BRME1: variants seen among roughly 807,000 people sequenced by gnomAD.
BRME1 encodes BRCA2 and MEILB2-associating protein 1.
Under a neutral mutation model 52.6 loss-of-function variants are expected in BRME1, and 31 were observed. The observed-to-expected ratio is 0.59, with a 90% CI of 0.44 to 0.80. The LOEUF (loss-of-function observed/expected upper bound fraction) is 0.80. Among genes scored for constraint, BRME1 ranks in the 30% least tolerant of loss-of-function variants. The pLI is 0.00. For synonymous variants in BRME1, 359 were observed against 353.6 expected (o/e 1.02, Z -0.17); for missense variants, 804 against 860.3 (o/e 0.93, Z 0.82).
chr19:13,898,905 A>G (rs961519074), intron 2 of BRME1, among the ~76,000 whole-genome samples: 1 of 147,366 alleles, frequency 6.8e-6, no homozygotes, highest in Admixed American at 6.7e-5. Flanking sequence ...CCTGGGCAAC[A>G]AGAGTGAAAC....
At chr19:13,902,953 G>C (rs1970402017) in intron 2 of BRME1, among the ~76,000 whole-genome samples, 1 of 151,490 alleles carries the variant, frequency 6.6e-6, no homozygotes, top group Admixed American at 6.6e-5. Context: ...TCTAGAAGCA[G>C]TGTACCGAGG....
rs1969217142 is a variant in BRME1 at position 13,888,695 on chromosome 19, G to T, written c.1668+493C>A. Among the ~76,000 whole-genome samples the T allele has an allele frequency of 1.3e-5, 2 of 152,202 alleles. No individual in the cohort carries two copies. Among genetic ancestry groups the T allele is most frequent in the South Asian group, 2.1e-4 (1 of 4,836 alleles). ...AAATGACTTATGTATGTTTGGAAAA[G>T]AATCATATCAGGACCCCCAGAGGAC... is the stretch of plus-strand genomic sequence containing the variant. On this transcript the variant is annotated intron_variant, in intron 6 of 8. Coordinates refer to ENST00000586783, the MANE Select transcript of BRME1 (RefSeq NM_001345843.2). This position sits in a 1 kb window ranked among gnomAD's most constrained non-coding sequence, Gnocchi z 4.1.
chr19:13,896,106 C>T (rs1317488753), intron 2 of BRME1, among the ~76,000 whole-genome samples: 1 of 152,068 alleles, frequency 6.6e-6, no homozygotes, highest in Non-Finnish European at 1.5e-5. Context: ...CCCGTCTCTA[C>T]TGAAAATACA....
Position 13,886,038 on chromosome 19 carries a change from G to C in BRME1, c.1686C>G (p.Asn562Lys). 1 of 1,614,004 alleles carries C rather than the reference G, an allele frequency of 6.2e-7. No homozygotes were observed. Among genetic ancestry groups the C allele is most frequent in the Non-Finnish European group, 8.5e-7 (1 of 1,180,004 alleles). ...APPEQLFPSG[N>K]KPGPCWPGPS... ...GGCCCGGCCAGCAAGGGCCCGGCTT[G>C]TTCCCCGAAGGAAAGAGCTGGAAAG... The change falls in exon 7 of 9, where the codon AAC (asparagine) becomes AAG (lysine). Residue 562 changes from asparagine (N) to lysine (K), a missense_variant. This residue lies in a region of BRME1 where 552 missense variants were observed against 561.1 expected (regional missense o/e 0.98). Transcript: ENST00000586783.
At position 13,895,755 on chromosome 19, in the gene BRME1, C is replaced by A. The variant is rs1467728672; in HGVS notation, c.32-209G>T. On this transcript the variant is annotated intron_variant, in intron 2 of 8. Transcript: ENST00000586783. ...TTATCCATGACTGGATAAATGCACA[C>A]CACCAAGGGCAGACAAGACTAAATT... Among the ~76,000 whole-genome samples the A allele has an allele frequency of 2.0e-5, 3 of 152,300 alleles. 1 individual carries two copies. Among genetic ancestry groups the A allele is most frequent in the African/African-American group, 7.2e-5 (3 of 41,564 alleles).
At chr19:13,886,097 C>CG (rs1568372545) in intron 6 of BRME1, 42 bp from the exon 7 acceptor site, 2 of 1,562,978 alleles carry the variant, frequency 1.3e-6, no homozygotes, top group Non-Finnish European at 1.8e-6. Flanking sequence ...AGGCCTGGGT[C>CG]GGGCAAGCTC....
intron 6 of BRME1, among the ~76,000 whole-genome samples, chr19:13,887,907 C>T (rs976417245): frequency 4.0e-5 from 6 of 151,884 alleles, no homozygotes; most frequent in Non-Finnish European, 7.4e-5. Flanking sequence ...GGGACTGCAG[C>T]CATGCATCCC....
At chr19:13,905,083 C>T (rs1218658675) in intron 1 of BRME1, among the ~76,000 whole-genome samples, 170 bp from the exon 2 acceptor site, 2 of 152,082 alleles carry the variant, frequency 1.3e-5, no homozygotes, top group African/African-American at 4.8e-5. Flanking sequence ...GAGTCACAGC[C>T]ACTTTGGGCC....
Position 13,895,559 on chromosome 19 carries a change from C to G in BRME1, c.32-13G>C. 1 of 1,606,656 alleles carries G rather than the reference C, an allele frequency of 6.2e-7. No homozygotes were observed. The highest frequency in any genetic ancestry group is 8.5e-7 in the Non-Finnish European group (1 of 1,175,974). On this transcript the variant is annotated splice_polypyrimidine_tract_variant and intron_variant, in intron 2 of 8. Coordinates refer to ENST00000586783, the MANE Select transcript of BRME1 (RefSeq NM_001345843.2). ...CAGAGTCCCTCTCCTGTTTTAGAGA[C>G]AGAGGAAGATGAAGGGGTGGGGGAT...
At position 13,905,770 on chromosome 19, in the gene BRME1, T is replaced by C. The variant is rs1353762737; in HGVS notation, c.-77A>G. On this transcript the variant is annotated 5_prime_UTR_variant, in exon 1 of 9. Coordinates refer to ENST00000586783, the MANE Select transcript of BRME1 (RefSeq NM_001345843.2). Reference sequence around the variant, plus strand: ...GTCCTTATCAGAAACGAGCTCTGCCTGGATCAGTTGGGAATAAGTCGCTTG... The same window carrying C: ...GTCCTTATCAGAAACGAGCTCTGCCCGGATCAGTTGGGAATAAGTCGCTTG... 1 of 152,208 alleles carries C rather than the reference T, an allele frequency of 6.6e-6. No individual in the cohort carries two copies. The highest frequency in any genetic ancestry group is 1.5e-5 in the Non-Finnish European group (1 of 68,040). The allele number at this position is 152,208 out of a possible 1,614,324, so 9.4% of individuals were successfully genotyped here.
rs1296878570 is a variant in BRME1, at chr19:13,883,623, G to A, written c.1764-223C>T. On this transcript the variant is annotated intron_variant, in intron 7 of 8. Coordinates refer to ENST00000586783, the MANE Select transcript of BRME1 (RefSeq NM_001345843.2). The surrounding 1 kb of genome is among the most constrained non-coding windows in gnomAD (Gnocchi z 4.2). ...CCTACCTGCCCTGCCCTCTCAGGACGCTGCTGCCACCGCCTCCCTATCTCC... is the reference window on the plus strand; with the variant it reads ...CCTACCTGCCCTGCCCTCTCAGGACACTGCTGCCACCGCCTCCCTATCTCC... The A allele has an allele frequency of 3.4e-5, 17 of 504,214 alleles. No homozygotes were observed. Among genetic ancestry groups the A allele is most frequent in the Admixed American group, 6.8e-5 (2 of 29,488 alleles). 31.2% of individuals were successfully genotyped at this position (504,214 alleles called of 1,614,324 possible).
At chr19:13,895,081 GTTGGCCAGTC>G (rs1969781403) in intron 3 of BRME1, among the ~76,000 whole-genome samples, 1 of 152,046 alleles carries the variant, frequency 6.6e-6, no homozygotes, top group African/African-American at 2.4e-5. Flanking sequence ...GTTTTGCAGT[GTTGGCCAGTC>G]TTGTCTCAAA....
At chr19:13,884,094 G>C (rs895392918) in intron 7 of BRME1, among the ~76,000 whole-genome samples, 1 of 152,152 alleles carries the variant, frequency 6.6e-6, no homozygotes, top group Non-Finnish European at 1.5e-5. Flanking sequence ...TCCTTGGAAG[G>C]TTTGGGAGGT....
intron 2 of BRME1, among the ~76,000 whole-genome samples, chr19:13,900,217 A>G (rs535064526): frequency 2.3e-4 from 35 of 152,280 alleles, no homozygotes; most frequent in African/African-American, 7.7e-4. Flanking sequence ...AATAAGGCAG[A>G]ACCTTGTGTT....
At position 13,904,932 on chromosome 19, in the gene BRME1, T is replaced by C; in HGVS notation, c.-21-19A>G. On this transcript the variant is annotated intron_variant, in intron 1 of 8. Transcript: ENST00000586783. ...GAGAAATCTGAAAACAAGCAAAATC[T>C]CTCATCATTATAAGCAGTCTCTGTC... 1 of 1,592,366 alleles carries C rather than the reference T, an allele frequency of 6.3e-7. No homozygotes were observed.
chr19:13,902,719 G>A (rs1188005809), intron 2 of BRME1, among the ~76,000 whole-genome samples: 1 of 151,764 alleles, frequency 6.6e-6, no homozygotes, highest in Non-Finnish European at 1.5e-5. Flanking sequence ...ATCACCTGAG[G>A]TTGGGAGTTC....
At chr19:13,891,135 T>TTTTTTCTTATTATTA (rs59151567) in intron 5 of BRME1, among the ~76,000 whole-genome samples, 27 of 146,668 alleles carry the variant, frequency 1.8e-4, no homozygotes, top group African/African-American at 6.7e-4. Context: ...CAATTTCCTG[T>TTTTTTCTTATTATTA]TTATTATTAT....
At chr19:13,905,190 C>CG (rs747792111) in intron 1 of BRME1, among the ~76,000 whole-genome samples, 2 of 152,028 alleles carry the variant, frequency 1.3e-5, no homozygotes, top group Non-Finnish European at 2.9e-5. Context: ...TAGATAGCCC[C>CG]GGGGACCCAG....
Position 13,892,905 on chromosome 19 carries a change from C to T in BRME1, c.289-15G>A, listed in dbSNP as rs377397204. ...CCGAATGAGTTCTGTAAACCGGATA[C>T]AAGAACAAAGCAGCAATAAAGATAA... is the stretch of plus-strand genomic sequence containing the variant. On this transcript the variant is annotated splice_polypyrimidine_tract_variant and intron_variant, in intron 4 of 8. Coordinates refer to ENST00000586783, the MANE Select transcript of BRME1 (RefSeq NM_001345843.2). The T allele has an allele frequency of 6.9e-6, 11 of 1,603,542 alleles. No homozygotes were observed. The highest frequency in any genetic ancestry group is 7.7e-6 in the Non-Finnish European group (9 of 1,170,370).
Sources: gnomAD v4.1 joint callset for allele counts (sites outside exome capture counted in the v4.1 genomes callset) on GRCh38, gnomAD v4.1.1 for gene constraint, gnomAD v4.1.1 regional missense constraint, Gnocchi (gnomAD v3.1) non-coding constraint, MANE v1.5 for transcripts, NCBI Gene and HGNC (gene_info 2026-07-23, HGNC 2026-07-21) for gene names.